The following ST3GAL3 variants were observed in gnomAD, a reference collection of about 807,000 sequenced individuals.
ST3GAL3 encodes ST3 beta-galactoside alpha-2,3-sialyltransferase 3, also known as CMP-N-acetylneuraminate-beta-1,4-galactoside alpha-2,3-sialyltransferase.
In ST3GAL3, 21 loss-of-function variants were observed where a neutral mutation model predicts 50.1. The observed-to-expected ratio is 0.42, with a 90% CI of 0.30 to 0.60. ST3GAL3 has a LOEUF of 0.60. ST3GAL3 is among the 20% of genes least tolerant of loss of function. ST3GAL3 has a pLI of 0.19. For missense variants in ST3GAL3, 353 were observed against 489.4 expected (o/e 0.72, Z 2.63); for synonymous variants, 183 against 190.0 (o/e 0.96, Z 0.30).
At chr1:43,890,866 A>G (rs2154264355) in intron 5 of ST3GAL3, among the ~76,000 whole-genome samples, 1 of 152,334 alleles carries the variant, frequency 6.6e-6, no homozygotes, top group African/African-American at 2.4e-5. Context: ...CCTGGGTAAC[A>G]GACGTATACG....
intron 5 of ST3GAL3, among the ~76,000 whole-genome samples, chr1:43,876,129 A>C (rs1274666136): frequency 2.0e-5 from 3 of 151,810 alleles, no homozygotes; most frequent in Non-Finnish European, 2.9e-5. Flanking sequence ...TGGCAGGATA[A>C]TTTTTTAAAT....
At chr1:43,817,761 TCC>T (rs369568983) in intron 4 of ST3GAL3, among the ~76,000 whole-genome samples, 1 of 42,644 alleles carries the variant, frequency 2.3e-5, no homozygotes, top group Non-Finnish European at 6.4e-5. Flanking sequence ...CTCCTCTTCT[TCC>T]TCTTCTTCTT....
In ST3GAL3 at chr1:43,863,665, T is replaced by G. The variant is rs578167125; in HGVS notation, c.302+25354T>G. ...CATCACTAAGCCAGCTTCCGCCCCC[T>G]AAAATGGGGCCTGTCTGCTCAGTAT... On this transcript the variant is annotated intron_variant, in intron 5 of 11. Coordinates refer to ENST00000347631, the MANE Select transcript of ST3GAL3 (RefSeq NM_006279.5). 2.0e-5 allele frequency among the ~76,000 whole-genome samples: 3 copies of G among 152,256 alleles called. No homozygotes were observed. The East Asian group carries it at 5.8e-4, about 29-fold the overall frequency.
intron 4 of ST3GAL3, among the ~76,000 whole-genome samples, chr1:43,830,235 C>G (rs140916007): frequency 5.3e-5 from 8 of 152,026 alleles, no homozygotes; most frequent in African/African-American, 1.7e-4. Flanking sequence ...GATAAGGTCT[C>G]CCTATGTTGC....
At chr1:43,834,863 C>T (rs2064073171) in intron 4 of ST3GAL3, among the ~76,000 whole-genome samples, 1 of 152,188 alleles carries the variant, frequency 6.6e-6, no homozygotes, top group Non-Finnish European at 1.5e-5. Context: ...GATTTTCCAT[C>T]ACTTGCTTGT....
chr1:43,781,246 A>C (rs1473796082), intron 2 of ST3GAL3, among the ~76,000 whole-genome samples: 1 of 152,172 alleles, frequency 6.6e-6, no homozygotes, highest in Non-Finnish European at 1.5e-5. Flanking sequence ...TCAGGTCAGC[A>C]AACTGTGGTT....
chr1:43,772,175 C>T (rs1258817085), intron 2 of ST3GAL3: 2 of 392,858 alleles, frequency 5.1e-6, no homozygotes. Context: ...TCAGCCTCCC[C>T]AGTAGCTGGG....
chr1:43,853,400 C>G (rs1052799033), intron 5 of ST3GAL3, among the ~76,000 whole-genome samples: 3 of 152,174 alleles, frequency 2.0e-5, no homozygotes, highest in South Asian at 2.1e-4. Flanking sequence ...GAGACTAACC[C>G]TTGTTAGTCC....
intron 2 of ST3GAL3, among the ~76,000 whole-genome samples, chr1:43,784,464 G>A (rs1012705443): frequency 6.6e-6 from 1 of 152,046 alleles, no homozygotes; most frequent in Non-Finnish European, 1.5e-5. Flanking sequence ...AGCCGAGATC[G>A]CACCACTGTA....
intron 5 of ST3GAL3, among the ~76,000 whole-genome samples, chr1:43,851,930 C>T (rs938713859): frequency 6.6e-6 from 1 of 152,188 alleles, no homozygotes; most frequent in African/African-American, 2.4e-5. Flanking sequence ...GCTAGGTGCA[C>T]CCCTTGCACC....
At chr1:43,780,527 T>C (rs1252807810) in intron 2 of ST3GAL3, among the ~76,000 whole-genome samples, 5 of 152,140 alleles carry the variant, frequency 3.3e-5, no homozygotes, top group Admixed American at 2.0e-4. Flanking sequence ...TATTCTTTCT[T>C]TCTAGAACTC....
chr1:43,841,003 T>G (rs908682493), intron 5 of ST3GAL3: 1 of 152,254 alleles, frequency 6.6e-6, no homozygotes, highest in Non-Finnish European at 1.5e-5. Context: ...AAGGCAGTCA[T>G]TAAATCTTAA....
chr1:43,838,658 T>C, intron 5 of ST3GAL3: 3 of 314,924 alleles, frequency 9.5e-6, no homozygotes, highest in Non-Finnish European at 1.3e-5. Flanking sequence ...GAAACTTTTT[T>C]GGAAGCTTGG....
chr1:43,869,554 C>T (rs982420266), intron 5 of ST3GAL3, among the ~76,000 whole-genome samples: 11 of 152,118 alleles, frequency 7.2e-5, no homozygotes, highest in Non-Finnish European at 1.5e-4. Flanking sequence ...TTTTGATGCT[C>T]CTCATAATGC....
intron 9 of ST3GAL3, among the ~76,000 whole-genome samples, chr1:43,902,108 G>A (rs1182040681): frequency 2.0e-5 from 3 of 152,230 alleles, no homozygotes; most frequent in South Asian, 2.1e-4. Context: ...AAATGTGAGA[G>A]GCTGCTTCTC....
intron 5 of ST3GAL3, among the ~76,000 whole-genome samples, chr1:43,882,979 A>ATTTATTTTT (rs11270209): frequency 0.57 from 78,499 of 138,820 alleles, 24,534 homozygotes; most frequent in Non-Finnish European, 0.68. Context: ...TTATTTATTT[A>ATTTATTTTT]GAGACAGGCT....
At chr1:43,924,952 C>G (rs1161049047) in intron 11 of ST3GAL3, among the ~76,000 whole-genome samples, 1 of 152,174 alleles carries the variant, frequency 6.6e-6, no homozygotes, top group African/African-American at 2.4e-5. Flanking sequence ...GGCTCTGAGG[C>G]TCCCAGCATC....
intron 11 of ST3GAL3, among the ~76,000 whole-genome samples, chr1:43,926,273 C>T (rs1204058090): frequency 1.3e-5 from 2 of 152,136 alleles, no homozygotes; most frequent in Non-Finnish European, 2.9e-5. Context: ...GGATACTTAA[C>T]GGTTGGGCGA....
intron 4 of ST3GAL3, among the ~76,000 whole-genome samples, chr1:43,828,221 A>G (rs886763433): frequency 4.6e-5 from 7 of 152,344 alleles, no homozygotes; most frequent in African/African-American, 1.4e-4. Flanking sequence ...TTAATCATTC[A>G]CCTTGTACCT....
Sources: allele counts gnomAD v4.1 joint callset (sites outside exome capture counted in the v4.1 genomes callset), GRCh38; gene constraint gnomAD v4.1.1; transcripts MANE v1.5; gene names NCBI Gene and HGNC (gene_info 2026-07-23, HGNC 2026-07-21).